VTI1A: variants seen among roughly 807,000 people sequenced by gnomAD.
The protein encoded by VTI1A is vesicle transport through interaction with t-SNAREs homolog 1A.
In VTI1A, 22 loss-of-function variants were observed where a neutral mutation model predicts 34.9. That is an observed-to-expected ratio of 0.63 (90% CI 0.45 to 0.90). The LOEUF is 0.90. Among genes scored for constraint, VTI1A ranks in the 40% least tolerant of loss-of-function variants. The pLI is 0.00. For missense variants in VTI1A, 268 were observed against 275.6 expected (o/e 0.97, Z 0.20); for synonymous variants, 87 against 97.3 (o/e 0.89, Z 0.62).
chr10:112,557,705 A>G (rs1163157329), intron 5 of VTI1A, among the ~76,000 whole-genome samples: 3 of 152,184 alleles, frequency 2.0e-5, no homozygotes, highest in Non-Finnish European at 2.9e-5. Context: ...TTTCTCCACT[A>G]CTGGAGATTT....
At chr10:112,812,015 T>C (rs1456126526) in intron 7 of VTI1A, among the ~76,000 whole-genome samples, 4 of 152,264 alleles carry the variant, frequency 2.6e-5, no homozygotes, top group Non-Finnish European at 4.4e-5. Context: ...GGTTAATTCA[T>C]CTTGTATCAA....
intron 5 of VTI1A, among the ~76,000 whole-genome samples, chr10:112,580,900 C>T (rs891945943): frequency 5.9e-5 from 9 of 152,124 alleles, no homozygotes; most frequent in African/African-American, 9.7e-5. Flanking sequence ...ACTGGAATTA[C>T]GAATGTACAT....
At chr10:112,681,873 T>C (rs571093453) in intron 7 of VTI1A, among the ~76,000 whole-genome samples, 1 of 152,360 alleles carries the variant, frequency 6.6e-6, no homozygotes, top group African/African-American at 2.4e-5. Context: ...TATTGTGGCA[T>C]ATTATTAACT....
chr10:112,613,140 G>C (rs12245585), intron 5 of VTI1A, among the ~76,000 whole-genome samples: 20,900 of 152,002 alleles, frequency 0.14, 1,827 homozygotes, highest in African/African-American at 0.24. Flanking sequence ...AGACTTTGCC[G>C]AATGGGGAGA....
At chr10:112,664,852 C>A (rs933774271) in intron 5 of VTI1A, among the ~76,000 whole-genome samples, 1 of 152,148 alleles carries the variant, frequency 6.6e-6, no homozygotes, top group Non-Finnish European at 1.5e-5. Context: ...TCCAGGAATT[C>A]GTTTATCATG....
chr10:112,659,434 A>G (rs1847363942), intron 5 of VTI1A, among the ~76,000 whole-genome samples: 1 of 152,210 alleles, frequency 6.6e-6, no homozygotes, highest in South Asian at 2.1e-4. Context: ...CTCAATTTAC[A>G]TAGTACCTGC....
intron 3 of VTI1A, among the ~76,000 whole-genome samples, chr10:112,479,487 C>T (rs987012223): frequency 2.0e-5 from 3 of 152,188 alleles, no homozygotes; most frequent in Admixed American, 1.3e-4. Context: ...GATTCCCTTT[C>T]TCTCTGAATC....
intron 5 of VTI1A, among the ~76,000 whole-genome samples, chr10:112,572,766 G>A (rs1402864325): frequency 2.0e-5 from 3 of 151,798 alleles, no homozygotes; most frequent in East Asian, 1.9e-4. Context: ...GTGAACCCGG[G>A]AGGCGGAGCT....
chr10:112,778,393 G>A (rs1321316712), intron 7 of VTI1A, among the ~76,000 whole-genome samples: 2 of 152,130 alleles, frequency 1.3e-5, no homozygotes, highest in African/African-American at 4.8e-5. Flanking sequence ...ATAACTGATG[G>A]CCATTGTGAA....
chr10:112,710,731 G>A lies in VTI1A; in HGVS notation c.560+41733G>A, dbSNP rs540349504. Among the ~76,000 whole-genome samples, 3 of 152,182 alleles carry A rather than the reference G, an allele frequency of 2.0e-5. No individual in the cohort carries two copies. In the South Asian group the frequency reaches 6.2e-4, roughly 32 times the overall value. On this transcript the variant is annotated intron_variant, in intron 7 of 7. Coordinates refer to ENST00000393077, the MANE Select transcript of VTI1A (RefSeq NM_145206.4). ...AGCATAAGTTACCTAGGAGAGTCTT[G>A]AGTTATCTGCCTTAGCTCTGAAGAC...
the VTI1A span, among the ~76,000 whole-genome samples, chr10:112,847,909 C>G: frequency 2.6e-5 from 4 of 152,080 alleles, no homozygotes; most frequent in Non-Finnish European, 4.4e-5. Flanking sequence ...TCTGAGGCAC[C>G]AGGCATATAA....
At chr10:112,730,116 T>G (rs1287255965) in intron 7 of VTI1A, among the ~76,000 whole-genome samples, 1 of 152,202 alleles carries the variant, frequency 6.6e-6, no homozygotes, top group Non-Finnish European at 1.5e-5. Flanking sequence ...TGCTGGCCTT[T>G]TGTACAAGTC....
At chr10:112,541,674 C>A (rs1384746915) in intron 5 of VTI1A, among the ~76,000 whole-genome samples, 1 of 152,126 alleles carries the variant, frequency 6.6e-6, no homozygotes, top group Non-Finnish European at 1.5e-5. Flanking sequence ...TTCTAAAATT[C>A]TTGAATCATT....
intron 3 of VTI1A, among the ~76,000 whole-genome samples, chr10:112,468,423 C>G (rs2134062931): frequency 6.6e-6 from 1 of 152,192 alleles, no homozygotes; most frequent in Middle Eastern, 3.4e-3. Flanking sequence ...CATGCCATAC[C>G]TAGAAATACT....
intron 7 of VTI1A, among the ~76,000 whole-genome samples, chr10:112,693,560 A>G (rs1253009694): frequency 1.3e-5 from 2 of 152,194 alleles, no homozygotes; most frequent in Non-Finnish European, 2.9e-5. Context: ...AAATAAATAA[A>G]TAAGTAAATA....
intron 1 of VTI1A, among the ~76,000 whole-genome samples, chr10:112,454,567 A>C (rs1419688474): frequency 6.6e-6 from 1 of 152,162 alleles, no homozygotes; most frequent in African/African-American, 2.4e-5. Context: ...ATGCCACTGC[A>C]CTCTAGCCTG....
chr10:112,787,698 CTTTTTTTTTTT>C (rs34862909), intron 7 of VTI1A, among the ~76,000 whole-genome samples: 1 of 103,280 alleles, frequency 9.7e-6, no homozygotes, highest in Admixed American at 1.1e-4. Context: ...TTTTTCTTTT[CTTTTTTTTTTT>C]TTTTTTTTTT....
chr10:112,545,455 T>C (rs1372477650), intron 5 of VTI1A, among the ~76,000 whole-genome samples: 1 of 152,256 alleles, frequency 6.6e-6, no homozygotes, highest in Non-Finnish European at 1.5e-5. Flanking sequence ...ATAATAAATA[T>C]ATTTGTTAAT....
intron 5 of VTI1A, among the ~76,000 whole-genome samples, chr10:112,584,552 G>A (rs948998485): frequency 5.9e-5 from 9 of 152,162 alleles, no homozygotes; most frequent in African/African-American, 9.7e-5. Flanking sequence ...ACAGGCATGC[G>A]CCATTGGAAG....
Sources: allele counts gnomAD v4.1 joint callset (sites outside exome capture counted in the v4.1 genomes callset), GRCh38; gene constraint gnomAD v4.1.1; transcripts MANE v1.5; gene names NCBI Gene and HGNC (gene_info 2026-07-23, HGNC 2026-07-21).